GPBP1: variants seen among roughly 807,000 people sequenced by gnomAD.
The protein encoded by GPBP1 is vasculin.
Under a neutral mutation model 56.5 loss-of-function variants are expected in GPBP1, and 13 were observed. The observed-to-expected ratio is 0.23, with a 90% CI of 0.15 to 0.37. The LOEUF (loss-of-function observed/expected upper bound fraction) is 0.37. Ranked by LOEUF, GPBP1 falls within the 10% of genes least tolerant of loss-of-function variation. The probability of loss-of-function intolerance (pLI) is 1.00; values close to 1 mark genes in which losing one functional copy is unlikely to be tolerated. For missense variants in GPBP1, 477 were observed against 572.3 expected (o/e 0.83, Z 1.70); for synonymous variants, 204 against 188.9 (o/e 1.08, Z -0.66).
intron 11 of GPBP1, among the ~76,000 whole-genome samples, chr5:57,261,686 G>C (rs901001527): frequency 6.6e-6 from 1 of 152,078 alleles, no homozygotes; most frequent in Non-Finnish European, 1.5e-5. Context: ...TGGCTTTTCT[G>C]GGGGAGGAGC....
Position 57,212,040 on chromosome 5 carries a change from G to A in GPBP1, c.-57-2034G>A, listed in dbSNP as rs554678083. Among the ~76,000 whole-genome samples the A allele has an allele frequency of 2.0e-5, 3 of 151,880 alleles. No homozygotes were observed. In the East Asian group the frequency reaches 5.8e-4, roughly 29 times the overall value. On this transcript the variant is annotated intron_variant, in intron 2 of 11. Transcript: ENST00000506184. ...CAACCTCCACTTCCCAGGTTCAAGC[G>A]ATTTTCCTGCGTCAGCCCCCTGAGA... is the stretch of plus-strand genomic sequence containing the variant.
chr5:57,240,112 G>A (rs368958823), intron 6 of GPBP1, among the ~76,000 whole-genome samples: 4 of 152,090 alleles, frequency 2.6e-5, no homozygotes, highest in Admixed American at 6.6e-5. Context: ...TTAACTGGAC[G>A]TGGTTGTGTG....
rs1435672179 is a variant in GPBP1 at position 57,219,400 on chromosome 5, A to ACC, written c.63+5207_63+5208insCC. ...CAAAAAAAAAAAAAAAAAAAAAAAA[A>ACC]AAACCAAAAACAAACAAACAAAAAA... is the stretch of plus-strand genomic sequence containing the variant. On this transcript the variant is annotated intron_variant, in intron 3 of 11. Transcript: ENST00000506184. Among the ~76,000 whole-genome samples the ACC allele has an allele frequency of 6.0e-3, 359 of 59,780 alleles. 10 individuals are homozygous for ACC. Among genetic ancestry groups the ACC allele is most frequent in the African/African-American group, 0.02 (143 of 7,130 alleles). The allele number at this position is 59,780 out of a possible 152,430, so 39.2% of individuals were successfully genotyped here.
chr5:57,253,535 A>C (rs1741486718), intron 10 of GPBP1, among the ~76,000 whole-genome samples: 1 of 152,210 alleles, frequency 6.6e-6, no homozygotes. Context: ...AAGCTACATG[A>C]GGCCAAACAT....
chr5:57,249,253 G>GA, intron 8 of GPBP1, 156 bp from the exon 9 acceptor site: 1 of 515,718 alleles, frequency 1.9e-6, no homozygotes, highest in Non-Finnish European at 3.4e-6. Context: ...TTCAGTAGGG[G>GA]AAAAAACAGG....
chr5:57,233,377 A>G, intron 5 of GPBP1, among the ~76,000 whole-genome samples: 1 of 152,094 alleles, frequency 6.6e-6, no homozygotes, highest in East Asian at 1.9e-4. Context: ...CCACTTAATA[A>G]TCATAACATT....
intron 2 of GPBP1, among the ~76,000 whole-genome samples, chr5:57,191,431 A>G (rs1278478219): frequency 6.6e-6 from 1 of 151,720 alleles, no homozygotes; most frequent in East Asian, 1.9e-4. Context: ...CTCATCTCAT[A>G]AAGATTTGTT....
In GPBP1 at chr5:57,262,672, A is replaced by T; in HGVS notation, c.1342A>T (p.Asn448Tyr). 1 of 1,613,868 alleles carries T rather than the reference A, an allele frequency of 6.2e-7. No homozygotes were observed. The highest frequency in any genetic ancestry group is 8.5e-7 in the Non-Finnish European group (1 of 1,179,776). Residue 448 changes from asparagine (N) to tyrosine (Y), a missense_variant, in exon 12 of 12, where the codon AAC becomes TAC. Coordinates refer to ENST00000506184, the MANE Select transcript of GPBP1 (RefSeq NM_022913.4). ...TGACTTCAAGTTTGGACCGTGGAAG[A>T]ACAGCACTTTCAAACCCACAACTGA... is the stretch of plus-strand genomic sequence containing the variant. ...ICDFKFGPWK[N>Y]STFKPTTEND...
chr5:57,243,397 A>AAGCAC (rs1456274101), intron 6 of GPBP1, among the ~76,000 whole-genome samples: 23 of 152,146 alleles, frequency 1.5e-4, no homozygotes, highest in African/African-American at 5.5e-4. Flanking sequence ...CAATAACGGT[A>AAGCAC]TATCCCTCCC....
At chr5:57,256,768 A>ACAG (rs540094645) in intron 10 of GPBP1, among the ~76,000 whole-genome samples, 315 of 152,276 alleles carry the variant, frequency 2.1e-3, no homozygotes, top group African/African-American at 7.0e-3. Flanking sequence ...TTTTATTTAA[A>ACAG]TTTCTTAGTT....
chr5:57,202,557 A>G (rs1478271330), intron 2 of GPBP1, among the ~76,000 whole-genome samples: 11 of 152,194 alleles, frequency 7.2e-5, no homozygotes, highest in Admixed American at 7.2e-4. Context: ...CAAAAGTGCT[A>G]GGATTGCAGG....
intron 3 of GPBP1, among the ~76,000 whole-genome samples, chr5:57,226,894 C>G (rs563697296): frequency 6.6e-6 from 1 of 151,742 alleles, no homozygotes; most frequent in Non-Finnish European, 1.5e-5. Context: ...TGCCCGCCAC[C>G]GCGCCTGACT....
chr5:57,248,406 C>G (rs932015337), intron 8 of GPBP1, among the ~76,000 whole-genome samples: 2 of 148,862 alleles, frequency 1.3e-5, no homozygotes, highest in African/African-American at 5.0e-5. Context: ...TGTATTGGAA[C>G]CCCTCATATA....
At chr5:57,256,443 AAC>A (rs1443189177) in intron 10 of GPBP1, among the ~76,000 whole-genome samples, 3 of 152,118 alleles carry the variant, frequency 2.0e-5, no homozygotes, top group African/African-American at 7.2e-5. Context: ...GTCTTTTTAA[AAC>A]AGTGGATACT....
At chr5:57,193,287 G>T (rs1463112081) in intron 2 of GPBP1, among the ~76,000 whole-genome samples, 4 of 152,038 alleles carry the variant, frequency 2.6e-5, no homozygotes, top group Non-Finnish European at 5.9e-5. Flanking sequence ...TTGTGCTCTC[G>T]CCTGGGTGAC....
rs1419300313 is a variant in GPBP1 at position 57,231,191 on chromosome 5, G to A, written c.281G>A (p.Ser94Asn). The change falls in exon 5 of 12, where the codon AGT becomes AAT. Residue 94 changes from serine (S) to asparagine (N), a missense_variant. Coordinates refer to ENST00000506184, the MANE Select transcript of GPBP1 (RefSeq NM_022913.4). Reference sequence around the variant, plus strand: ...CATCGAGGTGGATACCATGGTGGAAGTTCCCGTTCTCGTAGCAGTATTTTC... The same window carrying A: ...CATCGAGGTGGATACCATGGTGGAAATTCCCGTTCTCGTAGCAGTATTTTC... ...INHRGGYHGG[S>N]SRSRSSIFHA... 1.2e-6 allele frequency: 2 copies of A among 1,614,098 alleles called. No homozygotes were observed. The highest frequency in any genetic ancestry group is 1.6e-4 in the Middle Eastern group (1 of 6,062).
chr5:57,195,858 C>T (rs539136848), intron 2 of GPBP1, among the ~76,000 whole-genome samples: 1 of 151,256 alleles, frequency 6.6e-6, no homozygotes, highest in African/African-American at 2.4e-5. Context: ...CAAAAATTAC[C>T]TGGGCGTGGT....
intron 10 of GPBP1, among the ~76,000 whole-genome samples, chr5:57,256,969 T>A (rs1210025796): frequency 6.6e-6 from 1 of 152,152 alleles, no homozygotes; most frequent in Non-Finnish European, 1.5e-5. Flanking sequence ...TGTGACTTCT[T>A]AAGTTATATA....
intron 10 of GPBP1, among the ~76,000 whole-genome samples, chr5:57,252,774 G>C (rs531745963): frequency 6.6e-6 from 1 of 151,756 alleles, no homozygotes; most frequent in Non-Finnish European, 1.5e-5. Context: ...TCAGTGGCAG[G>C]ATCTTGGCTC....
Sources: allele counts gnomAD v4.1 joint callset (sites outside exome capture counted in the v4.1 genomes callset), GRCh38; gene constraint gnomAD v4.1.1; transcripts MANE v1.5; gene names NCBI Gene and HGNC (gene_info 2026-07-23, HGNC 2026-07-21).